MYH10: variants seen among roughly 807,000 people sequenced by gnomAD.
MYH10 encodes the protein myosin-10.
In MYH10, 55 loss-of-function variants were observed where a neutral mutation model predicts 257.8. That is an observed-to-expected ratio of 0.21 (90% CI 0.17 to 0.27). The LOEUF is 0.27. MYH10 is among the 10% of genes least tolerant of loss of function. The pLI is 1.00. For missense variants in MYH10, 1,631 were observed against 2,500.6 expected (o/e 0.65, Z 7.42); for synonymous variants, 854 against 921.7 (o/e 0.93, Z 1.33).
chr17:8,492,630 C>A, intron 33 of MYH10, 121 bp from the exon 34 acceptor site: 2 of 1,184,166 alleles, frequency 1.7e-6, no homozygotes, highest in Non-Finnish European at 2.3e-6. Flanking sequence ...TCTTGTATTT[C>A]CTTTTTTTTT....
At chr17:8,582,242 A>T (rs572750293) in intron 4 of MYH10, among the ~76,000 whole-genome samples, 1 of 152,354 alleles carries the variant, frequency 6.6e-6, no homozygotes, top group African/African-American at 2.4e-5. Flanking sequence ...AGCAGCTTGA[A>T]CAAAAGCAGA....
rs189968581 is a variant in MYH10, at chr17:8,475,533, A to T, written c.*271T>A. Reference sequence around the variant, plus strand: ...TAAAAAGGGTCTTACCATGTTTTATAAAATGGTCTCTTGATGACTATATGG... The same window carrying T: ...TAAAAAGGGTCTTACCATGTTTTATTAAATGGTCTCTTGATGACTATATGG... On this transcript the variant is annotated 3_prime_UTR_variant, in exon 43 of 43. Coordinates refer to ENST00000360416, the MANE Select transcript of MYH10 (RefSeq NM_001256012.3). 168 of 361,538 alleles carry T rather than the reference A, an allele frequency of 4.6e-4. 1 individual carries two copies. Among genetic ancestry groups the T allele is most frequent in the African/African-American group, 3.0e-3 (146 of 48,174 alleles). 22.4% of individuals were successfully genotyped at this position (361,538 alleles called of 1,614,324 possible).
chr17:8,576,936 G>A (rs2083520670), intron 5 of MYH10, among the ~76,000 whole-genome samples: 1 of 152,144 alleles, frequency 6.6e-6, no homozygotes, highest in Admixed American at 6.5e-5. Flanking sequence ...AGTAGCAAGA[G>A]GCTACTGCAA....
chr17:8,523,788 G>A (rs1258363366), intron 17 of MYH10, among the ~76,000 whole-genome samples: 3 of 152,204 alleles, frequency 2.0e-5, no homozygotes, highest in Non-Finnish European at 4.4e-5. Flanking sequence ...TTTAGTGGGA[G>A]GACTGGCTTG....
At chr17:8,615,231 T>C (rs775613946) in intron 2 of MYH10, among the ~76,000 whole-genome samples, 1 of 152,006 alleles carries the variant, frequency 6.6e-6, no homozygotes, top group Non-Finnish European at 1.5e-5. Flanking sequence ...CGAGCTATGA[T>C]TGCACCAGTG....
chr17:8,521,432 G>A, intron 17 of MYH10, 147 bp from the exon 18 acceptor site: 2 of 749,436 alleles, frequency 2.7e-6, no homozygotes, highest in Non-Finnish European at 4.3e-6. Flanking sequence ...GCATACTTAG[G>A]CACTGCACAA....
Position 8,506,942 on chromosome 17 carries a change from A to C in MYH10, c.3215-453T>G, listed in dbSNP as rs1434335283. Among the ~76,000 whole-genome samples, 1 of 152,170 alleles carries C rather than the reference A, an allele frequency of 6.6e-6. No homozygotes were observed. Among genetic ancestry groups the C allele is most frequent in the Non-Finnish European group, 1.5e-5 (1 of 68,034 alleles). The stretch of plus-strand genomic sequence containing the variant: ...ATCCTCGAGTACTGGGAGAGAGGAG[A>C]CAGAAGAGTGGGCAGAGAGGGCCAG... On this transcript the variant is annotated intron_variant, in intron 26 of 42. Transcript: ENST00000360416. The surrounding 1 kb of genome is among the most constrained non-coding windows in gnomAD (Gnocchi z 5.0).
At chr17:8,575,138 T>C (rs935799368) in intron 6 of MYH10, among the ~76,000 whole-genome samples, 3 of 152,184 alleles carry the variant, frequency 2.0e-5, no homozygotes, top group African/African-American at 7.2e-5. Flanking sequence ...TGCTGCCTTC[T>C]TTGGGAGAAC....
At position 8,532,527 on chromosome 17, in the gene MYH10, T is replaced by C. The variant is rs796475063; in HGVS notation, c.1895-1842A>G. On this transcript the variant is annotated intron_variant, in intron 16 of 42. Transcript: ENST00000360416. ...TACCTGTAAGACATAGCATCTGTGA[T>C]CTGTAATTTGTATGACATCCCAGCC... Among the ~76,000 whole-genome samples the C allele has an allele frequency of 6.2e-4, 94 of 152,316 alleles. 1 individual carries two copies. Among genetic ancestry groups the C allele is most frequent in the African/African-American group, 2.1e-3 (87 of 41,564 alleles).
At chr17:8,528,042 G>C (rs2081903937) in intron 17 of MYH10, among the ~76,000 whole-genome samples, 1 of 152,194 alleles carries the variant, frequency 6.6e-6, no homozygotes, top group African/African-American at 2.4e-5. Context: ...TATCAGTCAT[G>C]ATACTTGACT....
intron 6 of MYH10, among the ~76,000 whole-genome samples, chr17:8,572,196 C>T (rs1270229574): frequency 6.6e-6 from 1 of 151,512 alleles, no homozygotes; most frequent in African/African-American, 2.4e-5. Flanking sequence ...TTATTTGAGT[C>T]AAATTTTCTA....
At chr17:8,542,439 G>C (rs1377928326) in intron 13 of MYH10, among the ~76,000 whole-genome samples, 159 bp from the exon 14 acceptor site, 2 of 152,118 alleles carry the variant, frequency 1.3e-5, no homozygotes, top group Non-Finnish European at 2.9e-5. Flanking sequence ...AACCAAGGGG[G>C]GTGGTCTCCC....
chr17:8,577,261 T>C lies in MYH10; in HGVS notation c.608A>G (p.Lys203Arg), dbSNP rs748797741. The change falls in exon 5 of 43, where the codon AAA becomes AGA. Residue 203 changes from lysine to arginine, a missense_variant. Coordinates refer to ENST00000360416, the MANE Select transcript of MYH10 (RefSeq NM_001256012.3). The stretch of plus-strand genomic sequence containing the variant: ...AGGAATATTATGGTCCTTTCTTCCT[T>C]TATGTGAAGAAGCAACATGGGCAAG... ...QYLAHVASSH[K>R]GRKDHNIPQE... 1.9e-6 allele frequency: 3 copies of C among 1,611,914 alleles called. No individual in the cohort carries two copies. Among genetic ancestry groups the C allele is most frequent in the Non-Finnish European group, 2.5e-6 (3 of 1,178,398 alleles).
chr17:8,544,897 G>A (rs914508713), intron 13 of MYH10, among the ~76,000 whole-genome samples: 1 of 152,076 alleles, frequency 6.6e-6, no homozygotes, highest in African/African-American at 2.4e-5. Flanking sequence ...ATCACTGCCC[G>A]TCCAGGTGCC....
At chr17:8,493,368 T>C (rs1260503289) in intron 32 of MYH10, among the ~76,000 whole-genome samples, 2 of 151,930 alleles carry the variant, frequency 1.3e-5, no homozygotes, top group Non-Finnish European at 1.5e-5. Context: ...AAGAACTCAA[T>C]TGGTTTTTGC....
intron 2 of MYH10, among the ~76,000 whole-genome samples, chr17:8,611,599 A>G (rs1350956546): frequency 6.6e-6 from 1 of 152,262 alleles, no homozygotes; most frequent in Non-Finnish European, 1.5e-5. Context: ...ACAAAAAAAG[A>G]AAACCAGTAA....
At chr17:8,612,983 G>T (rs2085103586) in intron 2 of MYH10, among the ~76,000 whole-genome samples, 1 of 152,128 alleles carries the variant, frequency 6.6e-6, no homozygotes, top group East Asian at 1.9e-4. Context: ...AGACAAGGAG[G>T]ACCCACTATA....
intron 2 of MYH10, among the ~76,000 whole-genome samples, chr17:8,616,928 C>T (rs535536153): frequency 3.9e-5 from 6 of 152,260 alleles, no homozygotes; most frequent in African/African-American, 1.4e-4. Context: ...GATAGGCACA[C>T]AGACCCAGGA....
intron 1 of MYH10, among the ~76,000 whole-genome samples, chr17:8,624,400 C>T (rs559557002): frequency 6.6e-6 from 1 of 152,272 alleles, no homozygotes; most frequent in Admixed American, 6.5e-5. Flanking sequence ...TGCTGCTACT[C>T]CAAATTCCAG....
Sources: gnomAD v4.1 joint callset for allele counts (sites outside exome capture counted in the v4.1 genomes callset) on GRCh38, gnomAD v4.1.1 for gene constraint, Gnocchi (gnomAD v3.1) non-coding constraint, MANE v1.5 for transcripts, NCBI Gene and HGNC (gene_info 2026-07-23, HGNC 2026-07-21) for gene names.